Variants in CPA6 observed in about 807,000 individuals in gnomAD.
CPA6 encodes carboxypeptidase A6, also known as carboxypeptidase B.
A neutral mutation model predicts 63.3 loss-of-function variants in CPA6; 58 were observed. That is an observed-to-expected ratio of 0.92 (90% confidence interval 0.74 to 1.14). The LOEUF (loss-of-function observed/expected upper bound fraction) is 1.14, where lower values mean the gene tolerates loss of function less well. Among genes scored for constraint, CPA6 ranks in the 50% most tolerant of loss-of-function variants. The probability of loss-of-function intolerance (pLI) is 0.00; values close to 1 mark genes in which losing one functional copy is unlikely to be tolerated. For missense variants in CPA6, 565 were observed against 526.6 expected, an observed-to-expected ratio of 1.07 and a Z score of -0.71; for synonymous variants, 185 against 179.0, an observed-to-expected ratio of 1.03 and a Z score of -0.27.
At chr8:67,728,350 T>C (rs1310869932) in intron 1 of CPA6, among the ~76,000 whole-genome samples, 1 of 152,192 alleles carries the variant, frequency 6.6e-6, no homozygotes, top group African/African-American at 2.4e-5. Flanking sequence ...AATACACTTG[T>C]ATACCTTTTT....
At chr8:67,743,080 C>T (rs936001279) in intron 1 of CPA6, among the ~76,000 whole-genome samples, 3 of 152,144 alleles carry the variant, frequency 2.0e-5, no homozygotes, top group African/African-American at 7.2e-5. Context: ...GTCTCACTTA[C>T]TGACGGACAT....
At chr8:67,634,016 C>T (rs1377387480) in intron 1 of CPA6, among the ~76,000 whole-genome samples, 1 of 146,558 alleles carries the variant, frequency 6.8e-6, no homozygotes, top group Non-Finnish European at 1.5e-5. Context: ...AGTCCTAACT[C>T]CCTCAATCCA....
At chr8:67,525,378 T>G (rs975454237) in intron 2 of CPA6, among the ~76,000 whole-genome samples, 2 of 152,160 alleles carry the variant, frequency 1.3e-5, no homozygotes, top group African/African-American at 2.4e-5. Context: ...TAAAAATTGG[T>G]GGGGGCCCAA....
Position 67,518,046 on chromosome 8 carries a change from A to C in CPA6, c.194T>G (p.Val65Gly). ...GATACTGCTGGGCTGCCACAGGTCCACCTGTAGTGCAGGAACCAACCTATA... is the reference window on the plus strand; with the variant it reads ...GATACTGCTGGGCTGCCACAGGTCCCCCTGTAGTGCAGGAACCAACCTATA... The part of the protein sequence containing the change: ...ALKKISYQLK[V>G]DLWQPSSISY... Residue 65 changes from valine (V) to glycine (G), a missense_variant and splice_region_variant, in exon 3 of 11, where the codon GTG becomes GGG. By Grantham distance (109) the Val-to-Gly change is moderately radical (BLOSUM62 -3). Transcript: ENST00000297770. 6.3e-7 allele frequency: 1 copy of C among 1,592,288 alleles called. No individual in the cohort carries two copies.
At chr8:67,663,159 CA>C (rs1374060083) in intron 1 of CPA6, among the ~76,000 whole-genome samples, 1 of 152,140 alleles carries the variant, frequency 6.6e-6, no homozygotes, top group East Asian at 1.9e-4. Context: ...TTAACTAACT[CA>C]GAGAAAAACA....
chr8:67,452,696 G>C (rs1587441795), intron 8 of CPA6: 1 of 152,252 alleles, frequency 6.6e-6, no homozygotes, highest in African/African-American at 2.4e-5. Flanking sequence ...GAATTCTACT[G>C]TGTAGGAGAA....
intron 6 of CPA6, among the ~76,000 whole-genome samples, chr8:67,505,193 T>C (rs2128964484): frequency 6.6e-6 from 1 of 152,324 alleles, no homozygotes; most frequent in South Asian, 2.1e-4. Context: ...CAGAAATCTT[T>C]CCACATCATT....
chr8:67,746,057 G>C lies in CPA6; in HGVS notation c.73C>G (p.Leu25Val). 1 of 1,613,910 alleles carries C rather than the reference G, an allele frequency of 6.2e-7. No individual in the cohort carries two copies. The highest frequency in any genetic ancestry group is 8.5e-7 in the Non-Finnish European group (1 of 1,179,860). ...TAAAGGTGGCTGTGCCCCGGTTGCA[G>C]AATCTTCAAAAAGAGCCAGCAAAGA... ...LPLCWLFLKI[L>V]QPGHSHLYNN... The change falls in exon 1 of 11, where the codon CTG (leucine) becomes GTG (valine). Residue 25 changes from leucine to valine, a missense_variant. Physicochemically the swap from Leu to Val is conservative, Grantham distance 32. Transcript: ENST00000297770.
intron 2 of CPA6, among the ~76,000 whole-genome samples, chr8:67,604,816 T>C (rs1295408480): frequency 6.6e-6 from 1 of 152,180 alleles, no homozygotes; most frequent in East Asian, 1.9e-4. Flanking sequence ...TCATTCTTTT[T>C]ACCCGGGCTG....
chr8:67,487,260 T>C (rs1191896160), intron 6 of CPA6, among the ~76,000 whole-genome samples: 1 of 152,158 alleles, frequency 6.6e-6, no homozygotes, highest in Non-Finnish European at 1.5e-5. Context: ...TGTGTCCAAG[T>C]GCTCTCATTA....
chr8:67,532,015 C>G (rs1248018327), intron 2 of CPA6, among the ~76,000 whole-genome samples: 1 of 152,098 alleles, frequency 6.6e-6, no homozygotes, highest in East Asian at 1.9e-4. Flanking sequence ...CAAAGAGAGA[C>G]ATTCCTGACC....
intron 1 of CPA6, among the ~76,000 whole-genome samples, chr8:67,637,405 T>G (rs559626122): frequency 1.3e-5 from 2 of 151,818 alleles, no homozygotes; most frequent in East Asian, 3.8e-4. Context: ...AATTAATTTC[T>G]TATAATAAGA....
rs139753733 is a variant in CPA6, at chr8:67,429,396, C to T, written c.1042-1265G>A. Among the ~76,000 whole-genome samples the T allele has an allele frequency of 6.9e-3, 1,054 of 152,278 alleles. 7 individuals carry two copies. Among genetic ancestry groups the T allele is most frequent in the Non-Finnish European group, 0.011 (718 of 68,024 alleles). ...CCAGAATACAACTCTCCGATTTCAG[C>T]TTGCTTATGAATAATTTAATACTTA... On this transcript the variant is annotated intron_variant, in intron 9 of 10. Coordinates refer to ENST00000297770, the MANE Select transcript of CPA6 (RefSeq NM_020361.5).
intron 2 of CPA6, among the ~76,000 whole-genome samples, chr8:67,536,108 ATGGTT>A (rs1304551684): frequency 6.6e-6 from 1 of 152,116 alleles, no homozygotes; most frequent in Non-Finnish European, 1.5e-5. Context: ...GCCTTGTAGT[ATGGTT>A]TGAAGTCAGG....
At chr8:67,503,943 C>T (rs952964457) in intron 6 of CPA6, among the ~76,000 whole-genome samples, 1 of 150,866 alleles carries the variant, frequency 6.6e-6, no homozygotes, top group African/African-American at 2.5e-5. Flanking sequence ...GTGATGTTCC[C>T]CTCCCTGTGT....
At position 67,552,512 on chromosome 8, in the gene CPA6, G is replaced by C. The variant is rs1049023004; in HGVS notation, c.193-34465C>G. 6.6e-5 allele frequency among the ~76,000 whole-genome samples: 10 copies of C among 152,088 alleles called. No homozygotes were observed. The East Asian group carries it at 1.9e-3, about 29-fold the overall frequency. Reference sequence around the variant, plus strand: ...ATGATGGCCGGGCACGGTGGCTCATGCCTGTAATCCCAGCACTTTGGGAGG... The same window carrying C: ...ATGATGGCCGGGCACGGTGGCTCATCCCTGTAATCCCAGCACTTTGGGAGG... On this transcript the variant is annotated intron_variant, in intron 2 of 10. Coordinates refer to ENST00000297770, the MANE Select transcript of CPA6 (RefSeq NM_020361.5).
At chr8:67,654,911 C>T (rs1376363563) in intron 1 of CPA6, among the ~76,000 whole-genome samples, 3 of 152,132 alleles carry the variant, frequency 2.0e-5, no homozygotes, top group African/African-American at 7.2e-5. Flanking sequence ...GTATAGCTTT[C>T]TATTGCTCGC....
intron 2 of CPA6, among the ~76,000 whole-genome samples, chr8:67,592,862 G>A (rs1814173805): frequency 1.3e-5 from 2 of 151,980 alleles, no homozygotes; most frequent in Admixed American, 6.6e-5. Flanking sequence ...TTTTTTGAAG[G>A]GTTTTTTGTG....
chr8:67,475,859 C>CTCT (rs1554666544), intron 8 of CPA6, among the ~76,000 whole-genome samples: 5 of 78,936 alleles, frequency 6.3e-5, no homozygotes, highest in African/African-American at 1.7e-4. Context: ...TTCTTTCTTT[C>CTCT]TTTCTTTCTT....
Sources: allele counts gnomAD v4.1 joint callset (sites outside exome capture counted in the v4.1 genomes callset), GRCh38; gene constraint gnomAD v4.1.1; transcripts MANE v1.5; gene names NCBI Gene and HGNC (gene_info 2026-07-23, HGNC 2026-07-21).